Variants in KIF9 observed in about 807,000 individuals in gnomAD.
KIF9 encodes kinesin family member 9.
Under a neutral mutation model 94.8 loss-of-function variants are expected in KIF9, and 68 were observed. The ratio of observed to expected loss-of-function variants is 0.72; its 90% confidence interval spans 0.59 to 0.88. KIF9 has a LOEUF of 0.88. Ranked by LOEUF, KIF9 falls within the 40% of genes least tolerant of loss-of-function variation. The probability of loss-of-function intolerance (pLI) is 0.00; values close to 1 mark genes in which losing one functional copy is unlikely to be tolerated. For missense variants in KIF9, 882 were observed against 982.5 expected (o/e 0.90, Z 1.37); for synonymous variants, 343 against 362.1 (o/e 0.95, Z 0.60).
At chr3:47,275,165 A>G (rs551323065) in intron 3 of KIF9, 160 bp downstream of exon 3, 3 of 617,972 alleles carry the variant, frequency 4.9e-6, no homozygotes, top group African/African-American at 3.7e-5. Context: ...CCATGCCCAC[A>G]ATGTCAACAA....
rs1700040467 is a variant in KIF9, at chr3:47,248,054, T to G, written c.1092A>C (p.Ala364=). 11 of 1,613,810 alleles carry G rather than the reference T, an allele frequency of 6.8e-6. No individual in the cohort carries two copies. The East Asian group carries it at 2.5e-4, about 36-fold the overall frequency. ...GGATAGCCAGCTCCTGCTTGAGTAG[T>G]GCTAGTTCCTTCTCCAGGTTCTTGA... ...RMVKNLEKEL[A]LLKQELAIHD... is the part of the protein sequence containing the mutation. Residue 364 remains alanine (A), a synonymous_variant, in exon 11 of 21, where the codon GCA becomes GCC. Transcript: ENST00000684063.
rs1160964539 is a variant in KIF9, at chr3:47,275,393, G to T, written c.191C>A (p.Ala64Asp). 1 of 1,613,796 alleles carries T rather than the reference G, an allele frequency of 6.2e-7. No homozygotes were observed. Among genetic ancestry groups the T allele is most frequent in the Admixed American group, 1.7e-5 (1 of 60,000 alleles). ...TGTCTCATAAACCAAGTCCTGGGAGGCATCGTGAAGAACTCCATCCAACTT... is the reference window on the plus strand; with the variant it reads ...TGTCTCATAAACCAAGTCCTGGGAGTCATCGTGAAGAACTCCATCCAACTT... ...SFKLDGVLHD[A>D]SQDLVYETVA... Residue 64 changes from alanine to aspartate, a missense_variant, in exon 3 of 21, where the codon GCC becomes GAC. Physicochemically the swap from Ala to Asp is moderately radical, Grantham distance 126. Coordinates refer to ENST00000684063, the MANE Select transcript of KIF9 (RefSeq NM_182902.4).
At chr3:47,266,738 A>G (rs373554750) in intron 7 of KIF9, among the ~76,000 whole-genome samples, 3 of 152,200 alleles carry the variant, frequency 2.0e-5, no homozygotes, top group Admixed American at 6.5e-5. Flanking sequence ...CTAAGAATGT[A>G]GAGGGCACTA....
rs188006868 is a variant in KIF9 at position 47,257,055 on chromosome 3, T to C, written c.1059+428A>G. Among the ~76,000 whole-genome samples the C allele has an allele frequency of 1.6e-3, 245 of 152,200 alleles. 2 individuals are homozygous for C. The highest frequency in any genetic ancestry group is 5.5e-3 in the African/African-American group (230 of 41,536). ...AGGAAAACCAGAGACCTTTGTTCAC[T>C]TGTTTATCTGCTCACCTTCCCTCCA... On this transcript the variant is annotated intron_variant, in intron 10 of 20. Coordinates refer to ENST00000684063, the MANE Select transcript of KIF9 (RefSeq NM_182902.4).
intron 17 of KIF9, chr3:47,239,723 G>T: frequency 8.0e-7 from 1 of 1,251,854 alleles, no homozygotes; most frequent in South Asian, 1.4e-5. Context: ...AAGATGCTAG[G>T]ATTACAAGTG....
rs920106393 is a variant in KIF9, at chr3:47,282,716, G to GATC, written c.-230_-228dup. 5.7e-6 allele frequency: 8 copies of GATC among 1,396,274 alleles called. No homozygotes were observed. In the African/African-American group the frequency reaches 1.0e-4, roughly 18 times the overall value. The allele number at this position is 1,396,274 out of a possible 1,614,324, so 86.5% of individuals were successfully genotyped here. A position where few individuals can be genotyped will look rare whatever the true frequency, so the allele number is the denominator to read the frequency against. On this transcript the variant is annotated 5_prime_UTR_variant, in exon 1 of 21. It adds an upstream start codon to the 5' untranslated region. Coordinates refer to ENST00000684063, the MANE Select transcript of KIF9 (RefSeq NM_182902.4). The stretch of plus-strand genomic sequence containing the variant: ...GGGAAGACGAGAGATGGGGCCGATT[G>GATC]ATCTAGAAAGACTTCGGCGGATGCA...
At chr3:47,271,571 T>C (rs1336142477) in intron 4 of KIF9, 110 bp from the exon 5 acceptor site, 4 of 774,712 alleles carry the variant, frequency 5.2e-6, no homozygotes, top group African/African-American at 1.7e-5. Context: ...AGAATAATTA[T>C]TGTCCTAAAG....
chr3:47,282,158 C>T, intron 1 of KIF9: 2 of 980,260 alleles, frequency 2.0e-6, no homozygotes, highest in Non-Finnish European at 2.4e-6. Flanking sequence ...CGAAGGGCTC[C>T]GACTGGTGAT....
At chr3:47,277,166 T>C (rs1452180287) in intron 2 of KIF9, 116 bp downstream of exon 2, 7 of 669,666 alleles carry the variant, frequency 1.0e-5, no homozygotes, top group Admixed American at 8.4e-5. Context: ...CTAGAGTCCA[T>C]TGGATCCTGT....
Position 47,265,817 on chromosome 3 carries a change from G to T in KIF9, c.829C>A (p.Gln277Lys). The change falls in exon 8 of 21, where the codon CAG (glutamine) becomes AAG (lysine). Residue 277 changes from glutamine (Q) to lysine (K), a missense_variant. Gln to Lys is a moderately conservative substitution (Grantham distance 53). Transcript: ENST00000684063. ...TGGTCCCCAAGGGCAATGATGGCCT[G>T]CTCCAGGAATGAGAGCGATTTGTTG... ...YINKSLSFLE[Q>K]AIIALGDQKR... The T allele has an allele frequency of 6.2e-7, 1 of 1,614,174 alleles. No individual in the cohort carries two copies. Among genetic ancestry groups the T allele is most frequent in the Non-Finnish European group, 8.5e-7 (1 of 1,180,018 alleles).
At chr3:47,235,279 A>T (rs1236597363) in intron 20 of KIF9, among the ~76,000 whole-genome samples, 1 of 152,166 alleles carries the variant, frequency 6.6e-6, no homozygotes, top group Non-Finnish European at 1.5e-5. Context: ...CGAACCATAC[A>T]TAGGCTAGTC....
intron 5 of KIF9, among the ~76,000 whole-genome samples, chr3:47,270,490 G>A (rs944871349): frequency 1.3e-5 from 2 of 151,720 alleles, no homozygotes; most frequent in African/African-American, 4.8e-5. Flanking sequence ...CCTGATCTCA[G>A]GTGATCCACC....
Position 47,236,527 on chromosome 3 carries a change from C to T in KIF9, c.2017G>A (p.Glu673Lys), listed in dbSNP as rs1699039351. The stretch of plus-strand genomic sequence containing the variant: ...CTGAGGTCACGCAGGTCCTGGTACT[C>T]GCTGCGGTACTGCTTCTTGAGGTCT... ...LKDLKKQYRS[E>K]YQDLRDLRAE... Residue 673 changes from glutamate to lysine, a missense_variant, in exon 18 of 21, where the codon GAG (glutamate) becomes AAG (lysine). By Grantham distance (56) the Glu-to-Lys change is moderately conservative (BLOSUM62 1). Transcript: ENST00000684063. 5.6e-6 allele frequency: 9 copies of T among 1,613,980 alleles called. No individual in the cohort carries two copies. The highest frequency in any genetic ancestry group is 7.6e-6 in the Non-Finnish European group (9 of 1,179,930).
Position 47,271,396 on chromosome 3 carries a change from G to T in KIF9, c.432C>A (p.Ile144=). 6.2e-7 allele frequency: 1 copy of T among 1,614,056 alleles called. No individual in the cohort carries two copies. The highest frequency in any genetic ancestry group is 1.1e-5 in the South Asian group (1 of 91,080). ...GGAGATCAAACAGGCTCTCATTATA[G>T]ATTTCCAAGTAGGAAACACGCACAG... ...AITVRVSYLE[I]YNESLFDLLS... is the part of the protein sequence containing the mutation. The change falls in exon 5 of 21, where the codon ATC becomes ATA. Residue 144 remains isoleucine (I), a synonymous_variant. Coordinates refer to ENST00000684063, the MANE Select transcript of KIF9 (RefSeq NM_182902.4).
intron 11 of KIF9, 98 bp downstream of exon 11, chr3:47,247,920 G>T (rs1700030770): frequency 4.6e-5 from 39 of 852,828 alleles, no homozygotes; most frequent in South Asian, 5.6e-5. Flanking sequence ...GCCCACCATT[G>T]GCCTTGACCC....
chr3:47,233,704 A>G (rs1250760980), intron 20 of KIF9, among the ~76,000 whole-genome samples: 1 of 151,038 alleles, frequency 6.6e-6, no homozygotes, highest in African/African-American at 2.4e-5. Flanking sequence ...TCAAAAGAAA[A>G]GAAAAGAAAA....
chr3:47,266,475 C>T (rs1239841435), intron 7 of KIF9, among the ~76,000 whole-genome samples: 1 of 152,122 alleles, frequency 6.6e-6, no homozygotes, highest in African/African-American at 2.4e-5. Flanking sequence ...GAGACCCCGT[C>T]TCTACAAAAA....
At chr3:47,248,923 CAG>C (rs1394237484) in intron 10 of KIF9, among the ~76,000 whole-genome samples, 6 of 151,912 alleles carry the variant, frequency 3.9e-5, no homozygotes, top group Non-Finnish European at 8.8e-5. Context: ...TTTGTAGAGA[CAG>C]GGGTCCTACT....
intron 10 of KIF9, among the ~76,000 whole-genome samples, chr3:47,249,786 G>A (rs573321278): frequency 7.2e-5 from 11 of 152,288 alleles, no homozygotes; most frequent in Admixed American, 2.0e-4. Context: ...AGCCAGGTGC[G>A]GTGGCTCATC....
Sources: allele counts gnomAD v4.1 joint callset (sites outside exome capture counted in the v4.1 genomes callset), GRCh38; gene constraint gnomAD v4.1.1; transcripts MANE v1.5; gene names NCBI Gene and HGNC (gene_info 2026-07-23, HGNC 2026-07-21).